The following STMN2 variants were observed in gnomAD, a reference collection of about 807,000 sequenced individuals.
STMN2 encodes stathmin-2.
In STMN2, 2 loss-of-function variants were observed where a neutral mutation model predicts 24.1. The observed-to-expected ratio is 0.08, with a 90% confidence interval of 0.03 to 0.26. STMN2 has a LOEUF of 0.26. Among genes scored for constraint, STMN2 ranks in the 10% least tolerant of loss-of-function variants. The probability of loss-of-function intolerance (pLI) is 1.00; values close to 1 mark genes in which losing one functional copy is unlikely to be tolerated. For missense variants in STMN2, 114 were observed against 213.6 expected (o/e 0.53, Z 2.91); for synonymous variants, 83 against 77.5 (o/e 1.07, Z -0.37).
rs1806572499 is a variant in STMN2, at chr8:79,664,985, A to G, written c.*111A>G. 3 of 835,892 alleles carry G rather than the reference A, an allele frequency of 3.6e-6. No individual in the cohort carries two copies. The highest frequency in any genetic ancestry group is 3.2e-6 in the Non-Finnish European group (2 of 616,184). 51.8% of individuals were successfully genotyped at this position (835,892 alleles called of 1,614,324 possible). On this transcript the variant is annotated 3_prime_UTR_variant, in exon 5 of 5. Transcript: ENST00000220876. ...GTATGACATGGTTTAAAAAGAACTCATTATAAAAAAAAAAAAACAAAAAAA... is the reference window on the plus strand; with the variant it reads ...GTATGACATGGTTTAAAAAGAACTCGTTATAAAAAAAAAAAAACAAAAAAA...
intron 3 of STMN2, among the ~76,000 whole-genome samples, chr8:79,654,574 C>G: frequency 6.6e-6 from 1 of 152,108 alleles, no homozygotes. Flanking sequence ...TGCATAAACG[C>G]TTAGCAACAA....
chr8:79,633,099 A>G (rs1585887758), intron 1 of STMN2, among the ~76,000 whole-genome samples: 1 of 152,142 alleles, frequency 6.6e-6, no homozygotes, highest in East Asian at 1.9e-4. Flanking sequence ...TCCCGATGAC[A>G]TACCTTTCCA....
intron 1 of STMN2, among the ~76,000 whole-genome samples, chr8:79,612,083 G>C (rs1172875532): frequency 1.7e-5 from 2 of 115,874 alleles, no homozygotes; most frequent in Non-Finnish European, 3.6e-5. Context: ...CCCCCGCCCG[G>C]TGCTGCATCT....
intron 3 of STMN2, among the ~76,000 whole-genome samples, chr8:79,648,619 C>T (rs767727105): frequency 6.6e-6 from 1 of 151,906 alleles, no homozygotes; most frequent in Non-Finnish European, 1.5e-5. Flanking sequence ...CCCACCACCA[C>T]ACCCAGCTAA....
intron 1 of STMN2, among the ~76,000 whole-genome samples, chr8:79,634,937 G>A (rs1035041538): frequency 6.6e-6 from 1 of 152,106 alleles, no homozygotes; most frequent in African/African-American, 2.4e-5. Flanking sequence ...AACCTGGGAG[G>A]TCTATATTTT....
chr8:79,627,696 T>C (rs1334455269), intron 1 of STMN2, among the ~76,000 whole-genome samples: 1 of 151,542 alleles, frequency 6.6e-6, no homozygotes, highest in Non-Finnish European at 1.5e-5. Flanking sequence ...ATGCCTATCA[T>C]ATATATACTT....
At chr8:79,624,271 G>A (rs1377049308) in intron 1 of STMN2, among the ~76,000 whole-genome samples, 1 of 151,716 alleles carries the variant, frequency 6.6e-6, no homozygotes, top group East Asian at 1.9e-4. Flanking sequence ...TGGCTAACAC[G>A]GTGAAACCCC....
At chr8:79,643,230 A>G (rs1810149754) in intron 3 of STMN2, among the ~76,000 whole-genome samples, 1 of 98,896 alleles carries the variant, frequency 1.0e-5, no homozygotes, top group Non-Finnish European at 2.4e-5. Flanking sequence ...TAACTCGACT[A>G]TATATATATA....
intron 4 of STMN2, 41 bp from the exon 5 acceptor site, chr8:79,664,774 A>G (rs1806567160): frequency 6.2e-7 from 1 of 1,606,238 alleles, no homozygotes; most frequent in Admixed American, 1.7e-5. Context: ...GACCAGACAA[A>G]AAGGGCCTGT....
chr8:79,624,821 T>C (rs1367712494), intron 1 of STMN2, among the ~76,000 whole-genome samples: 1 of 152,230 alleles, frequency 6.6e-6, no homozygotes, highest in Non-Finnish European at 1.5e-5. Flanking sequence ...CTTTCCTTTA[T>C]CTTTCCTTCT....
intron 2 of STMN2, among the ~76,000 whole-genome samples, chr8:79,640,132 G>A (rs776866531): frequency 5.3e-5 from 8 of 152,156 alleles, no homozygotes; most frequent in South Asian, 2.1e-4. Flanking sequence ...CCTGGGAGGC[G>A]GAGGTTGCAG....
intron 1 of STMN2, among the ~76,000 whole-genome samples, chr8:79,634,873 C>T (rs1809905599): frequency 6.6e-6 from 1 of 152,154 alleles, no homozygotes; most frequent in South Asian, 2.1e-4. Context: ...TACCCACTCT[C>T]CCTTGGGTTA....
intron 1 of STMN2, among the ~76,000 whole-genome samples, chr8:79,612,382 A>G (rs542176981): frequency 6.6e-6 from 1 of 152,346 alleles, no homozygotes; most frequent in Non-Finnish European, 1.5e-5. Context: ...TTTGCGGGAA[A>G]AGCTTCTAGA....
rs200432248 is a variant in STMN2, at chr8:79,636,871, G to A, written c.89G>A (p.Arg30His). ...TGCTCTTGCTTTTACCCGGAACCTC[G>A]CAACATCAACATCTATACTTACGAT... ...LICSCFYPEP[R>H]NINIYTYDDM... The change falls in exon 2 of 5, where the codon CGC becomes CAC. Residue 30 changes from arginine to histidine, a missense_variant. Arg to His is a conservative substitution (Grantham distance 29, BLOSUM62 0). Transcript: ENST00000220876. 7.1e-5 allele frequency: 114 copies of A among 1,613,688 alleles called. No homozygotes were observed. Among genetic ancestry groups the A allele is most frequent in the African/African-American group, 6.1e-4 (46 of 75,004 alleles).
At chr8:79,636,385 A>G (rs1809955773) in intron 1 of STMN2, among the ~76,000 whole-genome samples, 1 of 152,196 alleles carries the variant, frequency 6.6e-6, no homozygotes, top group African/African-American at 2.4e-5. Context: ...CTGAACCATC[A>G]GAGTAGCCCT....
chr8:79,659,939 T>A (rs993467066), intron 4 of STMN2, among the ~76,000 whole-genome samples: 4 of 152,224 alleles, frequency 2.6e-5, no homozygotes, highest in Non-Finnish European at 5.9e-5. Context: ...ATCTACTAAA[T>A]ACTTCACTTT....
At chr8:79,636,362 G>A (rs552693077) in intron 1 of STMN2, among the ~76,000 whole-genome samples, 4 of 152,258 alleles carry the variant, frequency 2.6e-5, no homozygotes, top group South Asian at 2.1e-4. Context: ...AAATGAGTAC[G>A]TGGCAATTCA....
chr8:79,663,783 T>C (rs1806547516), intron 4 of STMN2: 14 of 732,108 alleles, frequency 1.9e-5, no homozygotes, highest in Non-Finnish European at 2.9e-5. Flanking sequence ...TTTAGTCATC[T>C]GATGTATAGC....
chr8:79,613,767 T>C (rs888842176), intron 1 of STMN2: 1 of 985,334 alleles, frequency 1.0e-6, no homozygotes, highest in Non-Finnish European at 1.2e-6. Context: ...AAGGTAAATT[T>C]GTCTCCAGTT....
Sources: allele counts gnomAD v4.1 joint callset (sites outside exome capture counted in the v4.1 genomes callset), GRCh38; gene constraint gnomAD v4.1.1; transcripts MANE v1.5; gene names NCBI Gene and HGNC (gene_info 2026-07-23, HGNC 2026-07-21).